EDARADD: variants seen among roughly 807,000 people sequenced by gnomAD.
EDARADD encodes EDAR associated via death domain.
A neutral mutation model predicts 25.6 loss-of-function variants in EDARADD; 20 were observed. The observed-to-expected ratio is 0.78, with a 90% CI of 0.55 to 1.14. The LOEUF (loss-of-function observed/expected upper bound fraction) is 1.14, where lower values mean the gene tolerates loss of function less well. Among genes scored for constraint, EDARADD ranks in the 50% most tolerant of loss-of-function variants. The pLI is 0.00. For missense variants in EDARADD, 225 were observed against 270.1 expected, an observed-to-expected ratio of 0.83 and a Z score of 1.17; for synonymous variants, 86 against 94.4, an observed-to-expected ratio of 0.91 and a Z score of 0.52.
rs146187811 is a variant in EDARADD at position 236,370,906 on chromosome 1, A to T, written c.-6+20067A>T. Among the ~76,000 whole-genome samples, 6 of 152,334 alleles carry T rather than the reference A, an allele frequency of 3.9e-5. No homozygotes were observed. The East Asian group carries it at 1.2e-3, about 29-fold the overall frequency. On this transcript the variant is annotated intron_variant, in intron 3 of 7. Transcript: ENST00000439430. ...TCTTTGTTTAAACTGTAAACTATAA[A>T]CTAAGTTTCTTTCAAAGTTAGTTCA...
intron 4 of EDARADD, among the ~76,000 whole-genome samples, chr1:236,430,347 A>AT (rs35492543): frequency 3.3e-5 from 5 of 152,098 alleles, no homozygotes; most frequent in African/African-American, 1.2e-4. Context: ...TGCTCCTCAC[A>AT]TTTTTTTGGT....
chr1:236,471,396 T>C (rs1200054625), intron 5 of EDARADD, among the ~76,000 whole-genome samples: 1 of 124,588 alleles, frequency 8.0e-6, no homozygotes, highest in Non-Finnish European at 1.7e-5. Flanking sequence ...GCGCCCCAAA[T>C]TCCAATGAGT....
At chr1:236,441,856 G>C (rs1389139415) in intron 4 of EDARADD, among the ~76,000 whole-genome samples, 1 of 152,072 alleles carries the variant, frequency 6.6e-6, no homozygotes, top group African/African-American at 2.4e-5. Context: ...TTCTATAAAG[G>C]CTGAGAGAAT....
At chr1:236,389,121 T>C (rs1667390880) in intron 3 of EDARADD, among the ~76,000 whole-genome samples, 1 of 152,200 alleles carries the variant, frequency 6.6e-6, no homozygotes, top group Non-Finnish European at 1.5e-5. Context: ...AATTGCTATG[T>C]ATGAAGGCAT....
chr1:236,476,075 T>C (rs1015968773), intron 5 of EDARADD, among the ~76,000 whole-genome samples: 1 of 152,002 alleles, frequency 6.6e-6, no homozygotes, highest in Non-Finnish European at 1.5e-5. Context: ...GCCTGTAATC[T>C]CAGCAACTCA....
intron 4 of EDARADD, among the ~76,000 whole-genome samples, chr1:236,462,224 T>C (rs964432057): frequency 6.6e-6 from 1 of 152,202 alleles, no homozygotes; most frequent in Non-Finnish European, 1.5e-5. Flanking sequence ...TTGGTTGCTG[T>C]GAATCTCCTA....
chr1:236,430,508 T>C (rs626662), intron 4 of EDARADD, among the ~76,000 whole-genome samples: 67,909 of 151,648 alleles, frequency 0.45, 17,437 homozygotes, highest in Non-Finnish European at 0.59. Flanking sequence ...TAATTTTGGC[T>C]ATATCAAGTA....
intron 3 of EDARADD, among the ~76,000 whole-genome samples, chr1:236,383,965 T>C (rs1172571757): frequency 6.6e-6 from 1 of 152,210 alleles, no homozygotes; most frequent in African/African-American, 2.4e-5. Context: ...ATTGTGCCAC[T>C]GCACTCTAGC....
At chr1:236,437,273 G>A (rs1658281177) in intron 4 of EDARADD, among the ~76,000 whole-genome samples, 1 of 152,174 alleles carries the variant, frequency 6.6e-6, no homozygotes, top group Admixed American at 6.5e-5. Context: ...CACCCCTGGG[G>A]CATACCTGTT....
chr1:236,468,291 C>A lies in EDARADD; in HGVS notation c.265+15C>A. On this transcript the variant is annotated intron_variant, in intron 5 of 5. Coordinates refer to ENST00000334232, the MANE Select transcript of EDARADD (RefSeq NM_145861.4). ...TCCTCTTCCAGGTAAATGATTGATT[C>A]TAAAGCTATCTGGGCTAATAGCTAG... 2 of 1,613,302 alleles carry A rather than the reference C, an allele frequency of 1.2e-6. No homozygotes were observed. The highest frequency in any genetic ancestry group is 2.2e-5 in the East Asian group (1 of 44,880).
At chr1:236,407,968 T>G (rs1389756307) in intron 1 of EDARADD, among the ~76,000 whole-genome samples, 1 of 152,054 alleles carries the variant, frequency 6.6e-6, no homozygotes, top group Non-Finnish European at 1.5e-5. Flanking sequence ...TAAACAACAT[T>G]CAGAAGATTA....
rs1659712191 is a variant in EDARADD at position 236,482,660 on chromosome 1, C to T, written c.*11C>T. ...TCCAGGCACTTCTAGAGCTCTTCTTCTTCCTTCATTGGCCTCTCCGGATGT... is the reference window on the plus strand; with the variant it reads ...TCCAGGCACTTCTAGAGCTCTTCTTTTTCCTTCATTGGCCTCTCCGGATGT... On this transcript the variant is annotated 3_prime_UTR_variant, in exon 6 of 6. Coordinates refer to ENST00000334232, the MANE Select transcript of EDARADD (RefSeq NM_145861.4). 1 of 1,611,210 alleles carries T rather than the reference C, an allele frequency of 6.2e-7. No homozygotes were observed. The highest frequency in any genetic ancestry group is 8.5e-7 in the Non-Finnish European group (1 of 1,180,024).
intron 4 of EDARADD, among the ~76,000 whole-genome samples, chr1:236,432,600 T>C (rs1658126870): frequency 6.6e-6 from 1 of 152,174 alleles, no homozygotes; most frequent in Non-Finnish European, 1.5e-5. Flanking sequence ...ATTAAGAAAC[T>C]GCAGACCAAC....
chr1:236,454,856 A>G (rs1195429999), intron 4 of EDARADD, among the ~76,000 whole-genome samples: 2 of 152,216 alleles, frequency 1.3e-5, no homozygotes, highest in African/African-American at 4.8e-5. Context: ...ATCTGGCAGA[A>G]TGGTACAGAT....
At chr1:236,445,313 C>T (rs373210417) in intron 4 of EDARADD, among the ~76,000 whole-genome samples, 37 of 139,862 alleles carry the variant, frequency 2.6e-4, no homozygotes, top group African/African-American at 7.9e-4. Context: ...CTGCAACCTC[C>T]GCCTCCCAGG....
chr1:236,480,363 C>T (rs530073647), intron 5 of EDARADD, among the ~76,000 whole-genome samples: 1 of 152,072 alleles, frequency 6.6e-6, no homozygotes, highest in East Asian at 1.9e-4. Flanking sequence ...ATGTAAATAA[C>T]ACCGTGATAA....
intron 3 of EDARADD, among the ~76,000 whole-genome samples, chr1:236,361,850 A>G (rs1667054814): frequency 6.6e-6 from 1 of 151,798 alleles, no homozygotes; most frequent in Admixed American, 6.6e-5. Context: ...TGGGGCTATT[A>G]CAAATACTTT....
At chr1:236,376,065 A>AGTAG (rs1558103916) in intron 3 of EDARADD, among the ~76,000 whole-genome samples, 2 of 149,874 alleles carry the variant, frequency 1.3e-5, no homozygotes, top group South Asian at 2.1e-4. Context: ...CTCCCAAGTG[A>AGTAG]CTGGGATTAC....
chr1:236,409,097 T>C, intron 1 of EDARADD, 119 bp from the exon 2 acceptor site: 1 of 542,820 alleles, frequency 1.8e-6, no homozygotes, highest in Non-Finnish European at 3.1e-6. Context: ...AGGAGTAAGG[T>C]TTTCTTCAGC....
Sources: allele counts gnomAD v4.1 joint callset (sites outside exome capture counted in the v4.1 genomes callset), GRCh38; gene constraint gnomAD v4.1.1; transcripts MANE v1.5; gene names NCBI Gene and HGNC (gene_info 2026-07-23, HGNC 2026-07-21).